Variants in SCPPPQ1 observed in about 807,000 individuals in gnomAD.
SCPPPQ1 encodes the protein secretory calcium-binding phosphoprotein proline- and glutamine-rich 1.
the SCPPPQ1 span, among the ~76,000 whole-genome samples, chr4:87,469,038 A>G: frequency 6.6e-6 from 1 of 152,250 alleles, no homozygotes; most frequent in Non-Finnish European, 1.5e-5. Flanking sequence ...TTCATAATTT[A>G]GTAATCAATG....
chr4:87,461,162 A>G, the SCPPPQ1 span, among the ~76,000 whole-genome samples: 16 of 152,194 alleles, frequency 1.1e-4, no homozygotes, highest in Non-Finnish European at 2.4e-4. Flanking sequence ...TTTACTGAGT[A>G]TCTATTATAT....
chr4:87,467,572 C>T, the SCPPPQ1 span, among the ~76,000 whole-genome samples: 3 of 152,162 alleles, frequency 2.0e-5, no homozygotes, highest in Non-Finnish European at 4.4e-5. Flanking sequence ...AGCACAAACA[C>T]CTTTTTAATA....
At chr4:87,464,973 G>T in the SCPPPQ1 span, among the ~76,000 whole-genome samples, 1 of 152,144 alleles carries the variant, frequency 6.6e-6, no homozygotes, top group Non-Finnish European at 1.5e-5. Context: ...CTTTTCAAAA[G>T]TAAAATTTAA....
At chr4:87,469,718 C>G in the SCPPPQ1 span, among the ~76,000 whole-genome samples, 1 of 152,034 alleles carries the variant, frequency 6.6e-6, no homozygotes, top group Admixed American at 6.6e-5. Context: ...AAGTCCTATT[C>G]CTATTTAGAG....
At chr4:87,463,610 AAAATGAC>A in the SCPPPQ1 span, among the ~76,000 whole-genome samples, 3 of 152,214 alleles carry the variant, frequency 2.0e-5, no homozygotes, top group Admixed American at 2.0e-4. Context: ...ACAAGATTTT[AAAATGAC>A]AATATCTGGA....
chr4:87,465,213 G>A, the SCPPPQ1 span, among the ~76,000 whole-genome samples: 1 of 152,136 alleles, frequency 6.6e-6, no homozygotes, highest in Non-Finnish European at 1.5e-5. Context: ...GGCAGACATG[G>A]AGCTTACATC....
chr4:87,465,570 A>G, the SCPPPQ1 span, among the ~76,000 whole-genome samples: 1 of 73,374 alleles, frequency 1.4e-5, no homozygotes, highest in African/African-American at 3.7e-5. Flanking sequence ...AAAAAAAAAA[A>G]AAAAAAAAAA....
chr4:87,460,950 T>C, the SCPPPQ1 span: 2 of 152,652 alleles, frequency 1.3e-5, no homozygotes, highest in Non-Finnish European at 2.9e-5. Flanking sequence ...TAGAAGTAGA[T>C]ACTCTTCTGA....
the SCPPPQ1 span, among the ~76,000 whole-genome samples, chr4:87,463,728 C>A: frequency 6.6e-6 from 1 of 152,102 alleles, no homozygotes; most frequent in East Asian, 1.9e-4. Flanking sequence ...GGTTAAGAAA[C>A]CCTCTGTGTA....
the SCPPPQ1 span, among the ~76,000 whole-genome samples, chr4:87,465,559 C>CCAAAAA: frequency 3.1e-5 from 3 of 98,312 alleles, no homozygotes; most frequent in African/African-American, 1.3e-4. Flanking sequence ...TAGAAATCTA[C>CCAAAAA]AAAAAAAAAA....
At chr4:87,464,545 T>C in the SCPPPQ1 span, among the ~76,000 whole-genome samples, 1 of 152,046 alleles carries the variant, frequency 6.6e-6, no homozygotes, top group Non-Finnish European at 1.5e-5. Flanking sequence ...CTTCCTATAA[T>C]CGTAATAGGA....
At chr4:87,466,032 A>G in the SCPPPQ1 span, among the ~76,000 whole-genome samples, 1 of 152,180 alleles carries the variant, frequency 6.6e-6, no homozygotes, top group East Asian at 1.9e-4. Context: ...TTAAATTTAA[A>G]TGTTAACAGC....
chr4:87,462,515 G>A, the SCPPPQ1 span, among the ~76,000 whole-genome samples: 11 of 151,162 alleles, frequency 7.3e-5, no homozygotes, highest in Admixed American at 6.6e-4. Context: ...TTTTTGGTAT[G>A]TATTTTACAT....
At chr4:87,465,904 CAGTA>C in the SCPPPQ1 span, among the ~76,000 whole-genome samples, 42,048 of 151,880 alleles carry the variant, frequency 0.28, 7,073 homozygotes, top group East Asian at 0.4. Context: ...ACTTTCCCTA[CAGTA>C]AGTGTTACTT....
the SCPPPQ1 span, among the ~76,000 whole-genome samples, chr4:87,467,947 T>C: frequency 6.6e-6 from 1 of 152,228 alleles, no homozygotes. Flanking sequence ...AAATGATGAA[T>C]GCATTATTTA....
chr4:87,465,809 A>C, the SCPPPQ1 span, among the ~76,000 whole-genome samples: 1 of 152,196 alleles, frequency 6.6e-6, no homozygotes, highest in African/African-American at 2.4e-5. Flanking sequence ...ATTTTCTTTC[A>C]AGAGGTATGG....
the SCPPPQ1 span, among the ~76,000 whole-genome samples, chr4:87,468,440 G>T: frequency 1.3e-5 from 2 of 152,160 alleles, no homozygotes; most frequent in Non-Finnish European, 2.9e-5. Flanking sequence ...TTCTTCAAAA[G>T]CTCCTTTGAT....
At chr4:87,468,703 T>C in the SCPPPQ1 span, among the ~76,000 whole-genome samples, 1 of 152,238 alleles carries the variant, frequency 6.6e-6, no homozygotes, top group Non-Finnish European at 1.5e-5. Context: ...CGTGACACTT[T>C]ATCAAATTGT....
At chr4:87,470,921 A>G in the SCPPPQ1 span, among the ~76,000 whole-genome samples, 24 of 152,156 alleles carry the variant, frequency 1.6e-4, no homozygotes, top group Non-Finnish European at 2.4e-4. Flanking sequence ...TGGACCTGTT[A>G]GAAATCATTA....
Sources: allele counts gnomAD v4.1 joint callset (sites outside exome capture counted in the v4.1 genomes callset), GRCh38; gene constraint gnomAD v4.1.1; transcripts MANE v1.5; gene names NCBI Gene and HGNC (gene_info 2026-07-23, HGNC 2026-07-21).